SPATA31D1: variants seen among roughly 807,000 people sequenced by gnomAD.
SPATA31D1 encodes the protein SPATA31 subfamily D member 1, also known as spermatogenesis-associated protein 31D1.
SPATA31D1 carries 6 observed loss-of-function variants against 13.2 expected under a neutral mutation model. That is an observed-to-expected ratio of 0.46 (90% CI 0.25 to 0.90). SPATA31D1 has a LOEUF of 0.90. Among genes scored for constraint, SPATA31D1 ranks in the 40% least tolerant of loss-of-function variants. The pLI, the probability that SPATA31D1 is intolerant of heterozygous loss-of-function variation, is 0.18. For synonymous variants in SPATA31D1, 903 were observed against 718.8 expected (o/e 1.26, Z -4.10); for missense variants, 2,445 against 1,884.7 (o/e 1.30, Z -5.50).
In SPATA31D1 at chr9:81,994,482, C is replaced by T. The variant is rs566941798; in HGVS notation, c.4012C>T (p.Pro1338Ser). The T allele has an allele frequency of 1.0e-4, 167 of 1,613,346 alleles. No individual in the cohort carries two copies. The South Asian group carries it at 1.7e-3, about 17-fold the overall frequency. ...GGAGGTGCTTGGGAGCAAATCTTCC[C>T]CAACCTTGAAAACACAGCCTCCTCC... Reference protein sequence around the residue: ...SGEVLGSKSSPTLKTQPPPEN... With the variant: ...SGEVLGSKSSSTLKTQPPPEN... Residue 1338 changes from proline (P) to serine (S), a missense_variant, in exon 4 of 4, where the codon CCA (proline) becomes TCA (serine). Transcript: ENST00000344803.
At position 81,993,882 on chromosome 9, in the gene SPATA31D1, G is replaced by T; in HGVS notation, c.3412G>T (p.Asp1138Tyr). ...DKRKSSFHNV[D>Y]RLQGSRKTFP... Reference sequence around the variant, plus strand: ...GAGAAAGAGTTCCTTTCATAATGTAGACAGGCTTCAGGGCAGTAGAAAGAC... The same window carrying T: ...GAGAAAGAGTTCCTTTCATAATGTATACAGGCTTCAGGGCAGTAGAAAGAC... The change falls in exon 4 of 4, where the codon GAC becomes TAC. Residue 1138 changes from aspartate to tyrosine, a missense_variant. Physicochemically the swap from Asp to Tyr is radical, Grantham distance 160 (BLOSUM62 -3). Coordinates refer to ENST00000344803, the MANE Select transcript of SPATA31D1 (RefSeq NM_001001670.3). 1 of 1,613,984 alleles carries T rather than the reference G, an allele frequency of 6.2e-7. No individual in the cohort carries two copies. The highest frequency in any genetic ancestry group is 8.5e-7 in the Non-Finnish European group (1 of 1,179,886).
In SPATA31D1 at chr9:81,993,813, C is replaced by T. The variant is rs1825035057; in HGVS notation, c.3343C>T (p.Leu1115=). 6.2e-7 allele frequency: 1 copy of T among 1,613,892 alleles called. No individual in the cohort carries two copies. Among genetic ancestry groups the T allele is most frequent in the Non-Finnish European group, 8.5e-7 (1 of 1,179,904 alleles). Residue 1115 remains leucine (L), a synonymous_variant, in exon 4 of 4, where the codon CTG becomes TTG. Transcript: ENST00000344803. ...ACTGGCCAGTAGATGCAGCGCAGAG[C>T]TGCCCATAATGCAAGCTGGAGCTGG... ...TVLASRCSAE[L]PIMQAGAGCE...
At chr9:81,990,050 G>T (rs1340789431) in intron 2 of SPATA31D1, 9 of 551,504 alleles carry the variant, frequency 1.6e-5, no homozygotes. Flanking sequence ...AGCAATGGGT[G>T]TTGCCCAATT....
Position 81,989,000 on chromosome 9 carries a change from A to C in SPATA31D1, c.182A>C (p.Gln61Pro). 6.2e-7 allele frequency: 1 copy of C among 1,611,708 alleles called. No individual in the cohort carries two copies. Among genetic ancestry groups the C allele is most frequent in the East Asian group, 2.2e-5 (1 of 44,858 alleles). The change falls in exon 1 of 4, where the codon CAA (glutamine) becomes CCA (proline). Residue 61 changes from glutamine (Q) to proline (P), a missense_variant. Gln to Pro is a moderately conservative substitution (Grantham distance 76). Transcript: ENST00000344803. ...SSPTEKNNDI[Q>P]KHQGRAKRRR... The stretch of plus-strand genomic sequence containing the variant: ...CCCACCGAAAAAAATAATGACATCC[A>C]AAAGGTAAGGAACTGTGGGTGAACA...
upstream of SPATA31D1, among the ~76,000 whole-genome samples, chr9:81,987,951 T>A (rs1300222793): frequency 6.6e-6 from 1 of 152,066 alleles, no homozygotes; most frequent in Non-Finnish European, 1.5e-5. Flanking sequence ...TTCAACCAAC[T>A]CCCCACAAAT....
Position 81,992,862 on chromosome 9 carries a change from A to T in SPATA31D1, c.2392A>T (p.Arg798Trp), listed in dbSNP as rs780119147. ...GPETSSDKDL[R>W]SNSERDLETH... ...GGAGACTTCTTCAGACAAGGATCTG[A>T]GGTCTAACTCTGAGAGAGACCTAGA... Residue 798 changes from arginine to tryptophan, a missense_variant, in exon 4 of 4, where the codon AGG (arginine) becomes TGG (tryptophan). Physicochemically the swap from Arg to Trp is moderately radical, Grantham distance 101. Coordinates refer to ENST00000344803, the MANE Select transcript of SPATA31D1 (RefSeq NM_001001670.3). 1 of 1,613,820 alleles carries T rather than the reference A, an allele frequency of 6.2e-7. No individual in the cohort carries two copies. Among genetic ancestry groups the T allele is most frequent in the Non-Finnish European group, 8.5e-7 (1 of 1,179,720 alleles).
rs1352779891 is a variant in SPATA31D1 at position 81,994,458 on chromosome 9, G to T, written c.3988G>T (p.Glu1330Ter). 6.2e-7 allele frequency: 1 copy of T among 1,613,512 alleles called. No homozygotes were observed. The highest frequency in any genetic ancestry group is 1.1e-5 in the South Asian group (1 of 90,992). The part of the protein sequence containing the change: ...SLPVHNKTSG[E>*]VLGSKSSPTL... ...CCCTGTTCATAACAAGACATCAGGGGAGGTGCTTGGGAGCAAATCTTCCCC... is the reference window on the plus strand; with the variant it reads ...CCCTGTTCATAACAAGACATCAGGGTAGGTGCTTGGGAGCAAATCTTCCCC... Residue 1330 changes from glutamate to a stop codon, truncating the protein, a stop_gained, in exon 4 of 4, where the codon GAG becomes TAG. Transcript: ENST00000344803. LOFTEE classifies it low-confidence loss of function (END_TRUNC).
intron 1 of SPATA31D1, 94 bp from the exon 2 acceptor site, chr9:81,989,684 T>TTCTTG: frequency 2.5e-6 from 3 of 1,217,454 alleles, no homozygotes; most frequent in Non-Finnish European, 3.6e-6. Flanking sequence ...TATTCTTGTA[T>TTCTTG]AATGAATGAA....
At position 81,991,376 on chromosome 9, in the gene SPATA31D1, T is replaced by C; in HGVS notation, c.906T>C (p.Ser302=). ...CARHHGPPIP[S]ALPPEDCTVT... is the part of the protein sequence containing the mutation. ...GTCATCACGGACCACCAATCCCATC[T>C]GCTTTACCACCGGAAGATTGCACTG... The change falls in exon 4 of 4, where the codon TCT becomes TCC. Residue 302 remains serine, a synonymous_variant. Coordinates refer to ENST00000344803, the MANE Select transcript of SPATA31D1 (RefSeq NM_001001670.3). The C allele has an allele frequency of 6.2e-7, 1 of 1,614,036 alleles. No homozygotes were observed. The highest frequency in any genetic ancestry group is 8.5e-7 in the Non-Finnish European group (1 of 1,179,898).
Position 81,994,463 on chromosome 9 carries a change from G to T in SPATA31D1, c.3993G>T (p.Val1331=), listed in dbSNP as rs370633202. The change falls in exon 4 of 4, where the codon GTG becomes GTT. Residue 1331 remains valine (V), a synonymous_variant. Coordinates refer to ENST00000344803, the MANE Select transcript of SPATA31D1 (RefSeq NM_001001670.3). ...TTCATAACAAGACATCAGGGGAGGTGCTTGGGAGCAAATCTTCCCCAACCT... is the reference window on the plus strand; with the variant it reads ...TTCATAACAAGACATCAGGGGAGGTTCTTGGGAGCAAATCTTCCCCAACCT... ...LPVHNKTSGE[V]LGSKSSPTLK... is the part of the protein sequence containing the mutation. The T allele has an allele frequency of 2.5e-6, 4 of 1,613,346 alleles. No homozygotes were observed. In the South Asian group the frequency reaches 4.4e-5, roughly 18 times the overall value.
chr9:81,994,843 C>A lies in SPATA31D1; in HGVS notation c.4373C>A (p.Pro1458His). 1 of 1,613,944 alleles carries A rather than the reference C, an allele frequency of 6.2e-7. No homozygotes were observed. Among genetic ancestry groups the A allele is most frequent in the Non-Finnish European group, 8.5e-7 (1 of 1,179,882 alleles). ...HVRAEPVQGC[P>H]CNYRAPSCKV... ...AGAGCAGAGCCTGTCCAGGGCTGTC[C>A]CTGCAACTACAGGGCTCCCTCCTGC... is the stretch of plus-strand genomic sequence containing the variant. The change falls in exon 4 of 4, where the codon CCC becomes CAC. Residue 1458 changes from proline to histidine, a missense_variant. By Grantham distance (77) the Pro-to-His change is moderately conservative. Transcript: ENST00000344803.
At position 81,994,846 on chromosome 9, in the gene SPATA31D1, G is replaced by GCAACTAC. The variant is rs1313147833; in HGVS notation, c.4377_4383dup (p.Arg1462GlnfsTer31). The stretch of plus-strand genomic sequence containing the variant: ...GCAGAGCCTGTCCAGGGCTGTCCCT[G>GCAACTAC]CAACTACAGGGCTCCCTCCTGCAAA... On this transcript the variant is annotated frameshift_variant, in exon 4 of 4. Coordinates refer to ENST00000344803, the MANE Select transcript of SPATA31D1 (RefSeq NM_001001670.3). LOFTEE classifies it low-confidence loss of function (END_TRUNC). The GCAACTAC allele has an allele frequency of 6.2e-7, 1 of 1,613,952 alleles. No homozygotes were observed. The highest frequency in any genetic ancestry group is 1.1e-5 in the South Asian group (1 of 91,076).
chr9:81,989,684 TAATG>T (rs61119216), intron 1 of SPATA31D1, 90 bp from the exon 2 acceptor site: 230,837 of 1,210,964 alleles, frequency 0.19, 27,844 homozygotes, highest in African/African-American at 0.48. Flanking sequence ...TATTCTTGTA[TAATG>T]AATGAATGAA....
chr9:81,994,127 G>C lies in SPATA31D1; in HGVS notation c.3657G>C (p.Gln1219His), dbSNP rs1466936419. Residue 1219 changes from glutamine (Q) to histidine (H), a missense_variant, in exon 4 of 4, where the codon CAG becomes CAC. Physicochemically the swap from Gln to His is conservative, Grantham distance 24 (BLOSUM62 0). Coordinates refer to ENST00000344803, the MANE Select transcript of SPATA31D1 (RefSeq NM_001001670.3). ...KLVQRKHSQP[Q>H]SHFTDMSFAL... ...TCCAGAGGAAGCATAGCCAACCTCA[G>C]AGCCATTTCACTGACATGTCTTTTG... 30 of 1,613,870 alleles carry C rather than the reference G, an allele frequency of 1.9e-5. No homozygotes were observed. The highest frequency in any genetic ancestry group is 2.4e-5 in the Non-Finnish European group (28 of 1,179,896).
In SPATA31D1 at chr9:81,993,528, G is replaced by C; in HGVS notation, c.3058G>C (p.Gly1020Arg). 1 of 1,613,824 alleles carries C rather than the reference G, an allele frequency of 6.2e-7. No individual in the cohort carries two copies. The highest frequency in any genetic ancestry group is 8.5e-7 in the Non-Finnish European group (1 of 1,179,862). The change falls in exon 4 of 4, where the codon GGG becomes CGG. Residue 1020 changes from glycine to arginine, a missense_variant. Coordinates refer to ENST00000344803, the MANE Select transcript of SPATA31D1 (RefSeq NM_001001670.3). Reference sequence around the variant, plus strand: ...CCTTATAGAGACAGATTCCAAAGACGGGGCCTCCACATCCCTTAGAAGAGG... The same window carrying C: ...CCTTATAGAGACAGATTCCAAAGACCGGGCCTCCACATCCCTTAGAAGAGG... The part of the protein sequence containing the change: ...HDLIETDSKD[G>R]ASTSLRRGTT...
chr9:81,989,876 T>C, intron 2 of SPATA31D1, 53 bp downstream of exon 2: 2 of 1,581,970 alleles, frequency 1.3e-6, no homozygotes, highest in Non-Finnish European at 1.7e-6. Context: ...TCTGTCTCTT[T>C]CATGATGACT....
rs560996571 is a variant in SPATA31D1 at position 81,990,568 on chromosome 9, G to A, written c.302+82G>A. On this transcript the variant is annotated intron_variant, in intron 3 of 3. Transcript: ENST00000344803. ...GTTCTATTCATTTCAGGGATTCCTT[G>A]TAGCCTGCTGTAGTTTTGGGAGTGG... is the stretch of plus-strand genomic sequence containing the variant. 6 of 1,427,724 alleles carry A rather than the reference G, an allele frequency of 4.2e-6. No individual in the cohort carries two copies. The East Asian group carries it at 1.5e-4, about 35-fold the overall frequency. The allele number at this position is 1,427,724 out of a possible 1,614,324, so 88.4% of individuals were successfully genotyped here.
At position 81,994,176 on chromosome 9, in the gene SPATA31D1, G is replaced by A. The variant is rs1825044920; in HGVS notation, c.3706G>A (p.Asp1236Asn). The A allele has an allele frequency of 9.3e-6, 15 of 1,614,012 alleles. No homozygotes were observed. Among genetic ancestry groups the A allele is most frequent in the Non-Finnish European group, 1.3e-5 (15 of 1,179,886 alleles). The change falls in exon 4 of 4, where the codon GAC becomes AAC. Residue 1236 changes from aspartate to asparagine, a missense_variant. Coordinates refer to ENST00000344803, the MANE Select transcript of SPATA31D1 (RefSeq NM_001001670.3). Reference protein sequence around the residue: ...SFALDNLSSKDLLTNSQGISS... With the variant: ...SFALDNLSSKNLLTNSQGISS... ...TGCCTTAGATAACTTGAGTTCCAAG[G>A]ACTTACTGACTAATTCCCAGGGCAT...
rs1408961455 is a variant in SPATA31D1, at chr9:81,989,819, C to G, written c.228C>G (p.Phe76Leu). The G allele has an allele frequency of 6.2e-7, 1 of 1,613,540 alleles. No individual in the cohort carries two copies. Among genetic ancestry groups the G allele is most frequent in the East Asian group, 2.2e-5 (1 of 44,836 alleles). ...AGAGGAGAAGGAAAGGTGGGACATTCAAAGGTAATGTCAGCCTGCTCTATC... is the reference window on the plus strand; with the variant it reads ...AGAGGAGAAGGAAAGGTGGGACATTGAAAGGTAATGTCAGCCTGCTCTATC... ...RAKRRRKGGT[F>L]KGFPDWKSFQ... Residue 76 changes from phenylalanine to leucine, a missense_variant, in exon 2 of 4, where the codon TTC (phenylalanine) becomes TTG (leucine). Physicochemically the swap from Phe to Leu is conservative, Grantham distance 22. Coordinates refer to ENST00000344803, the MANE Select transcript of SPATA31D1 (RefSeq NM_001001670.3).
Sources: gnomAD v4.1 joint callset for allele counts (sites outside exome capture counted in the v4.1 genomes callset) on GRCh38, gnomAD v4.1.1 for gene constraint, MANE v1.5 for transcripts, NCBI Gene and HGNC (gene_info 2026-07-23, HGNC 2026-07-21) for gene names.